AGXT: variants seen among roughly 807,000 people sequenced by gnomAD.
The protein encoded by AGXT is L-alanine: glyoxylate aminotransferase 1.
AGXT carries 41 observed loss-of-function variants against 46.9 expected under a neutral mutation model. The observed-to-expected ratio is 0.88, with a 90% CI of 0.68 to 1.14. The LOEUF (loss-of-function observed/expected upper bound fraction) is 1.14. AGXT is among the 50% of genes most tolerant of loss of function. The pLI, the probability that AGXT is intolerant of heterozygous loss-of-function variation, is 0.00. For synonymous variants in AGXT, 244 were observed against 227.9 expected, an observed-to-expected ratio of 1.07 and a Z score of -0.64; for missense variants, 525 against 522.7, an observed-to-expected ratio of 1.00 and a Z score of -0.04.
At chr2:240,876,146 G>T (rs1388889133) in intron 8 of AGXT, 142 bp downstream of exon 8, 1 of 1,037,104 alleles carries the variant, frequency 9.6e-7, no homozygotes, top group Non-Finnish European at 1.5e-6. Flanking sequence ...GTGGGGGAGA[G>T]AGGACAGGGC....
chr2:240,869,514 C>A, intron 2 of AGXT, 152 bp downstream of exon 2: 1 of 946,242 alleles, frequency 1.1e-6, no homozygotes, highest in Non-Finnish European at 1.5e-6. Context: ...AGCCCACTGC[C>A]TCCTCCAGGC....
chr2:240,870,257 A>G (rs1340302410), intron 2 of AGXT, among the ~76,000 whole-genome samples: 1 of 152,084 alleles, frequency 6.6e-6, no homozygotes, highest in African/African-American at 2.4e-5. Flanking sequence ...TCTGTCATCC[A>G]TCACACCTGT....
chr2:240,873,860 G>A (rs2059005007), intron 5 of AGXT, 118 bp from the exon 6 acceptor site: 8 of 915,240 alleles, frequency 8.7e-6, no homozygotes, highest in South Asian at 5.5e-5. Flanking sequence ...CCCTGCTATC[G>A]TGTACGGATT....
chr2:240,876,088 T>C (rs999504446), intron 8 of AGXT, 84 bp downstream of exon 8: 2 of 1,475,852 alleles, frequency 1.4e-6, no homozygotes, highest in African/African-American at 2.8e-5. Context: ...GAACCATCCC[T>C]GGTGCACAGA....
chr2:240,869,606 G>C (rs2058980537), intron 2 of AGXT, among the ~76,000 whole-genome samples: 1 of 152,216 alleles, frequency 6.6e-6, no homozygotes, highest in Non-Finnish European at 1.5e-5. Context: ...TCCTTGAGCT[G>C]TTTCTGGAGC....
Position 240,878,893 on chromosome 2 carries a change from C to G in AGXT, c.*72C>G, listed in dbSNP as rs1013323665. 6.9e-7 allele frequency: 1 copy of G among 1,441,374 alleles called. No individual in the cohort carries two copies. Among genetic ancestry groups the G allele is most frequent in the African/African-American group, 1.4e-5 (1 of 71,146 alleles). 89.3% of individuals were successfully genotyped at this position (1,441,374 alleles called of 1,614,324 possible). On this transcript the variant is annotated 3_prime_UTR_variant, in exon 11 of 11. Coordinates refer to ENST00000307503, the MANE Select transcript of AGXT (RefSeq NM_000030.3). ...CCCACCCTGAGGGATCAGGAGCAAA[C>G]AGACCCTGCAAGGTCCTCCAGGCCT...
chr2:240,877,049 C>A (rs1438309464), intron 8 of AGXT: 1 of 247,230 alleles, frequency 4.0e-6, no homozygotes, highest in African/African-American at 2.3e-5. Flanking sequence ...GACCCGTGAC[C>A]AGAGGTAATG....
chr2:240,877,510 T>A, intron 8 of AGXT, 27 bp from the exon 9 acceptor site: 1 of 1,533,532 alleles, frequency 6.5e-7, no homozygotes, highest in South Asian at 1.2e-5. Context: ...CCCATGTCAC[T>A]GCCCACCAGC....
intron 7 of AGXT, 92 bp from the exon 8 acceptor site, chr2:240,875,843 T>C: frequency 7.3e-7 from 1 of 1,368,620 alleles, no homozygotes; most frequent in Non-Finnish European, 1.0e-6. Flanking sequence ...TCAGAGAGCC[T>C]GTGCTGTTGG....
chr2:240,876,313 G>A (rs1179526197), intron 8 of AGXT, among the ~76,000 whole-genome samples: 1 of 152,214 alleles, frequency 6.6e-6, no homozygotes, highest in Admixed American at 6.5e-5. Context: ...GGAGGCCGAA[G>A]GGGCCAGAGA....
chr2:240,873,102 C>G (rs553788396), intron 5 of AGXT, 53 bp downstream of exon 5: 3 of 1,494,662 alleles, frequency 2.0e-6, no homozygotes, highest in Non-Finnish European at 2.8e-6. Flanking sequence ...TGGGGCTCCG[C>G]GTGCAGGAAG....
intron 8 of AGXT, chr2:240,877,129 G>A (rs1052801059): frequency 2.6e-5 from 10 of 389,140 alleles, no homozygotes; most frequent in East Asian, 6.8e-5. Flanking sequence ...GCAGTGCTGC[G>A]GAGGATGCCA....
intron 10 of AGXT, among the ~76,000 whole-genome samples, 188 bp downstream of exon 10, chr2:240,878,338 A>C (rs541903924): frequency 1.2e-4 from 18 of 152,266 alleles, no homozygotes; most frequent in African/African-American, 3.8e-4. Flanking sequence ...CTCCCACCCC[A>C]GCCCACTGAG....
chr2:240,870,727 G>C lies in AGXT; in HGVS notation c.423+19G>C, dbSNP rs2058986627. On this transcript the variant is annotated intron_variant, in intron 3 of 10. Coordinates refer to ENST00000307503, the MANE Select transcript of AGXT (RefSeq NM_000030.3). ...GGAGGAGGTAGGGGACCCGGGGTGG[G>C]GGTCAGGGCCGGGAGGAGGTGGGAG... 4 of 1,552,428 alleles carry C rather than the reference G, an allele frequency of 2.6e-6. No individual in the cohort carries two copies. The highest frequency in any genetic ancestry group is 3.5e-6 in the Non-Finnish European group (4 of 1,147,874).
chr2:240,875,313 C>A, intron 7 of AGXT, 109 bp downstream of exon 7: 1 of 920,610 alleles, frequency 1.1e-6, no homozygotes, highest in Non-Finnish European at 1.7e-6. Flanking sequence ...ACCTTCATGC[C>A]TCAAGAACCC....
At position 240,875,103 on chromosome 2, in the gene AGXT, C is replaced by T; in HGVS notation, c.681-6C>T. ...GCTGGTGCTCAGCCTGCTTCTTTCTCCCCAGAAAGAAGATGTACTCCCGCA... is the reference window on the plus strand; with the variant it reads ...GCTGGTGCTCAGCCTGCTTCTTTCTTCCCAGAAAGAAGATGTACTCCCGCA... On this transcript the variant is annotated splice_region_variant and splice_polypyrimidine_tract_variant and intron_variant, in intron 6 of 10. Coordinates refer to ENST00000307503, the MANE Select transcript of AGXT (RefSeq NM_000030.3). The T allele has an allele frequency of 6.2e-7, 1 of 1,601,720 alleles. No homozygotes were observed. Among genetic ancestry groups the T allele is most frequent in the Non-Finnish European group, 8.6e-7 (1 of 1,168,812 alleles).
chr2:240,878,297 G>T (rs1391522721), intron 10 of AGXT, 147 bp downstream of exon 10: 20 of 1,213,248 alleles, frequency 1.6e-5, no homozygotes, highest in African/African-American at 3.0e-5. Context: ...TCTCCAAGGG[G>T]TATCCAGTAA....
chr2:240,870,620 C>T (rs894301533), intron 2 of AGXT, 24 bp from the exon 3 acceptor site: 17 of 1,549,920 alleles, frequency 1.1e-5, no homozygotes, highest in South Asian at 3.6e-5. Context: ...GGGACACTCA[C>T]GGCCCACTCT....
Position 240,878,143 on chromosome 2 carries a change from C to A in AGXT, c.1064C>A (p.Thr355Lys), listed in dbSNP as rs750905647. 1.2e-5 allele frequency: 20 copies of A among 1,612,788 alleles called. No homozygotes were observed. Among genetic ancestry groups the A allele is most frequent in the Non-Finnish European group, 1.6e-5 (19 of 1,179,958 alleles). Reference sequence around the variant, plus strand: ...ATCATGGGTGGCCTTGGGCCCTCCACGGGGAAGGTGAGAGGGAGCGCCTCG... The same window carrying A: ...ATCATGGGTGGCCTTGGGCCCTCCAAGGGGAAGGTGAGAGGGAGCGCCTCG... ...IEIMGGLGPS[T>K]GKVLRIGLLG... is the part of the protein sequence containing the mutation. Residue 355 changes from threonine to lysine, a missense_variant, in exon 10 of 11, where the codon ACG becomes AAG. By Grantham distance (78) the Thr-to-Lys change is moderately conservative. Transcript: ENST00000307503.
Sources: allele counts gnomAD v4.1 joint callset (sites outside exome capture counted in the v4.1 genomes callset), GRCh38; gene constraint gnomAD v4.1.1; transcripts MANE v1.5; gene names NCBI Gene and HGNC (gene_info 2026-07-23, HGNC 2026-07-21).